Variants in NRXN1 observed in about 807,000 individuals in gnomAD.
NRXN1 encodes neurexin 1.
A neutral mutation model predicts 150.9 loss-of-function variants in NRXN1; 39 were observed. The ratio of observed to expected loss-of-function variants is 0.26; its 90% CI spans 0.20 to 0.34. NRXN1 has a LOEUF of 0.34. NRXN1 is among the 10% of genes least tolerant of loss of function. NRXN1 has a pLI of 1.00. For missense variants in NRXN1, 1,815 were observed against 1,949.9 expected (o/e 0.93, Z 1.30); for synonymous variants, 924 against 757.0 (o/e 1.22, Z -3.62).
intron 19 of NRXN1, among the ~76,000 whole-genome samples, chr2:50,066,260 G>T (rs532599108): frequency 4.1e-4 from 63 of 152,292 alleles, no homozygotes; most frequent in Non-Finnish European, 7.5e-4. Context: ...ACATCACATG[G>T]ATTCTATTGT....
intron 21 of NRXN1, among the ~76,000 whole-genome samples, chr2:50,005,966 C>A (rs1205727914): frequency 5.3e-5 from 8 of 152,108 alleles, no homozygotes; most frequent in Admixed American, 4.6e-4. Flanking sequence ...GTATAACTTG[C>A]CACCGGTGTC....
At chr2:50,482,346 C>A (rs10177472) in intron 15 of NRXN1, among the ~76,000 whole-genome samples, 7,978 of 152,196 alleles carry the variant, frequency 0.052, 736 homozygotes, top group African/African-American at 0.18. Flanking sequence ...GCCAAGCTAA[C>A]TTCATCTAAT....
Position 50,347,317 on chromosome 2 carries a change from G to A in NRXN1, c.3365-110347C>T, listed in dbSNP as rs199779132. The A allele has an allele frequency of 1.9e-5, 24 of 1,257,704 alleles. No homozygotes were observed. In the South Asian group the frequency reaches 3.0e-4, roughly 15 times the overall value. 77.9% of individuals were successfully genotyped at this position (1,257,704 alleles called of 1,614,324 possible). A position where few individuals can be genotyped will look rare whatever the true frequency, so the allele number is the denominator to read the frequency against. On this transcript the variant is annotated intron_variant, in intron 17 of 22. Transcript: ENST00000401669. This position sits in a 1 kb window ranked among gnomAD's most constrained non-coding sequence, Gnocchi z 4.9. ...GAGAGTGCGTGCCGGCGGGTGGGGG[G>A]CCGAGAAATTGTTTAAAGCTCCTCC...
At chr2:50,268,888 C>T (rs1206894192) in intron 17 of NRXN1, among the ~76,000 whole-genome samples, 1 of 152,126 alleles carries the variant, frequency 6.6e-6, no homozygotes, top group African/African-American at 2.4e-5. Context: ...GTTGCAAACG[C>T]AGTTGTATAT....
At chr2:50,045,365 C>G (rs1364917896) in intron 21 of NRXN1, among the ~76,000 whole-genome samples, 1 of 152,134 alleles carries the variant, frequency 6.6e-6, no homozygotes, top group South Asian at 2.1e-4. Context: ...TGTTTTGAGA[C>G]AGAGTGTCAC....
intron 17 of NRXN1, among the ~76,000 whole-genome samples, chr2:50,303,790 T>G (rs565954230): frequency 1.3e-5 from 2 of 152,124 alleles, no homozygotes; most frequent in African/African-American, 4.8e-5. Flanking sequence ...AAAAACAATT[T>G]CCATTTACAT....
intron 8 of NRXN1, among the ~76,000 whole-genome samples, chr2:50,611,529 G>C (rs1678130038): frequency 6.6e-6 from 1 of 152,152 alleles, no homozygotes; most frequent in African/African-American, 2.4e-5. Flanking sequence ...CTTTCAAAGA[G>C]GAGTGTCTAT....
intron 21 of NRXN1, among the ~76,000 whole-genome samples, chr2:49,953,043 A>G (rs1404368565): frequency 6.6e-6 from 1 of 152,144 alleles, no homozygotes; most frequent in Non-Finnish European, 1.5e-5. Flanking sequence ...TTACCTTTGG[A>G]CAAGCAGCCA....
intron 17 of NRXN1, among the ~76,000 whole-genome samples, chr2:50,420,398 TAC>T (rs137996743): frequency 2.1e-4 from 32 of 148,986 alleles, no homozygotes; most frequent in East Asian, 3.9e-4. Flanking sequence ...TACATACATG[TAC>T]ACACACACAC....
chr2:50,934,206 G>A (rs1688185271), intron 2 of NRXN1, among the ~76,000 whole-genome samples: 2 of 151,914 alleles, frequency 1.3e-5, no homozygotes, highest in South Asian at 4.1e-4. Context: ...TCCAAACTGT[G>A]ATATTTTTCT....
intron 18 of NRXN1, among the ~76,000 whole-genome samples, chr2:50,226,705 T>C (rs1243943159): frequency 5.3e-5 from 8 of 151,966 alleles, no homozygotes. Context: ...CTATCAGAAC[T>C]AGAATCTTGC....
At chr2:50,455,684 G>A (rs1013826983) in intron 17 of NRXN1, among the ~76,000 whole-genome samples, 1 of 152,112 alleles carries the variant, frequency 6.6e-6, no homozygotes, top group African/African-American at 2.4e-5. Flanking sequence ...TGGGACAGCA[G>A]ATTCAGAATT....
chr2:50,649,804 A>G (rs1436962630), intron 5 of NRXN1, among the ~76,000 whole-genome samples: 5 of 152,034 alleles, frequency 3.3e-5, no homozygotes, highest in Admixed American at 3.3e-4. Context: ...TTGCTGGGAC[A>G]TGATACAGAG....
chr2:50,624,010 C>G (rs533522263), intron 5 of NRXN1, among the ~76,000 whole-genome samples: 1 of 151,970 alleles, frequency 6.6e-6, no homozygotes, highest in Non-Finnish European at 1.5e-5. Flanking sequence ...GTTCAATTCC[C>G]ACCTATGAGT....
chr2:50,743,978 C>T (rs545136454), intron 5 of NRXN1, among the ~76,000 whole-genome samples: 76 of 152,248 alleles, frequency 5.0e-4, no homozygotes, highest in Non-Finnish European at 6.9e-4. Flanking sequence ...AAACCAGGTC[C>T]AAACACAAAC....
intron 9 of NRXN1, among the ~76,000 whole-genome samples, chr2:50,546,453 T>C (rs1037157580): frequency 1.3e-5 from 2 of 152,168 alleles, no homozygotes; most frequent in African/African-American, 4.8e-5. Context: ...TATGATTCCA[T>C]AATTCCCAGA....
chr2:50,047,464 G>A (rs1048433197), intron 21 of NRXN1, among the ~76,000 whole-genome samples: 4 of 152,066 alleles, frequency 2.6e-5, no homozygotes, highest in Non-Finnish European at 5.9e-5. Context: ...AGCAGGTAAA[G>A]TATATCTTGG....
rs1339120339 is a variant in NRXN1 at position 50,015,528 on chromosome 2, A to T, written c.4128+37743T>A. On this transcript the variant is annotated intron_variant, in intron 21 of 22. Coordinates refer to ENST00000401669, the MANE Select transcript of NRXN1 (RefSeq NM_001330078.2). ...CAGGGATTTCTGCCAAAAAAAAAAA[A>T]AAAAAAAAAAAAAAAAGACCTGGGC... Among the ~76,000 whole-genome samples, 3 of 148,670 alleles carry T rather than the reference A, an allele frequency of 2.0e-5. No homozygotes were observed. The East Asian group carries it at 5.9e-4, about 29-fold the overall frequency.
At chr2:50,567,134 G>A (rs529453990) in intron 8 of NRXN1, among the ~76,000 whole-genome samples, 2 of 152,186 alleles carry the variant, frequency 1.3e-5, no homozygotes, top group Non-Finnish European at 2.9e-5. Context: ...TTCACTCTTA[G>A]GACCAAATTA....
Sources: allele counts gnomAD v4.1 joint callset (sites outside exome capture counted in the v4.1 genomes callset), GRCh38; gene constraint gnomAD v4.1.1; non-coding constraint Gnocchi (gnomAD v3.1); transcripts MANE v1.5; gene names NCBI Gene and HGNC (gene_info 2026-07-23, HGNC 2026-07-21).